Variants in PDE11A observed in about 807,000 individuals in gnomAD.
PDE11A encodes phosphodiesterase 11A.
In PDE11A, 100 loss-of-function variants were observed where a neutral mutation model predicts 100.5. That is an observed-to-expected ratio of 1.00 (90% confidence interval 0.85 to 1.18). PDE11A has a LOEUF of 1.18. Among genes scored for constraint, PDE11A ranks in the 50% most tolerant of loss-of-function variants. The pLI, the probability that PDE11A is intolerant of heterozygous loss-of-function variation, is 0.00. For synonymous variants in PDE11A, 381 were observed against 420.8 expected (o/e 0.91, Z 1.16); for missense variants, 1,141 against 1,152.6 (o/e 0.99, Z 0.15).
chr2:177,761,995 G>A (rs966437917), intron 10 of PDE11A, among the ~76,000 whole-genome samples: 3 of 152,130 alleles, frequency 2.0e-5, no homozygotes, highest in African/African-American at 7.2e-5. Flanking sequence ...GATGGATCTC[G>A]GATAGGGTCA....
At chr2:177,631,006 A>G (rs566251789) in intron 19 of PDE11A, among the ~76,000 whole-genome samples, 2 of 152,272 alleles carry the variant, frequency 1.3e-5, no homozygotes, top group Non-Finnish European at 2.9e-5. Flanking sequence ...ATTTTAAGTA[A>G]CATGTTAGTG....
chr2:177,939,461 GGA>G (rs1446837526), intron 2 of PDE11A, among the ~76,000 whole-genome samples: 2 of 133,278 alleles, frequency 1.5e-5, no homozygotes, highest in East Asian at 2.4e-4. Context: ...AAGGAGGGAG[GGA>G]GAGAGGAAGG....
At chr2:177,724,601 C>G (rs756249739) in intron 12 of PDE11A, among the ~76,000 whole-genome samples, 3 of 152,070 alleles carry the variant, frequency 2.0e-5, no homozygotes, top group Admixed American at 6.6e-5. Flanking sequence ...TAAGGTCACA[C>G]GGAGAACACT....
intron 1 of PDE11A, among the ~76,000 whole-genome samples, chr2:178,067,609 T>C (rs2087064903): frequency 6.6e-6 from 1 of 152,154 alleles, no homozygotes; most frequent in Non-Finnish European, 1.5e-5. Flanking sequence ...GAATGGTGCC[T>C]CCTCCATGAA....
chr2:177,693,180 C>T (rs564496481), intron 15 of PDE11A, among the ~76,000 whole-genome samples: 4 of 152,186 alleles, frequency 2.6e-5, no homozygotes, highest in Non-Finnish European at 4.4e-5. Flanking sequence ...TGCTGCTACA[C>T]GCAGTGCCTC....
chr2:178,000,069 T>C (rs151295666), intron 2 of PDE11A, among the ~76,000 whole-genome samples: 336 of 152,270 alleles, frequency 2.2e-3, no homozygotes, highest in African/African-American at 7.9e-3. Flanking sequence ...AAATGCTCTT[T>C]TGTTGATTGG....
intron 1 of PDE11A, among the ~76,000 whole-genome samples, chr2:178,062,176 A>G (rs1322495860): frequency 6.6e-6 from 1 of 152,104 alleles, no homozygotes; most frequent in Non-Finnish European, 1.5e-5. Flanking sequence ...TTCATGGCAC[A>G]TTGGCTGCCA....
intron 16 of PDE11A, among the ~76,000 whole-genome samples, chr2:177,678,346 T>C (rs2080811045): frequency 6.6e-6 from 1 of 152,232 alleles, no homozygotes; most frequent in Admixed American, 6.5e-5. Flanking sequence ...GAGCCAGCTG[T>C]ATGCCTGGGC....
intron 6 of PDE11A, among the ~76,000 whole-genome samples, chr2:177,838,600 C>G (rs915071452): frequency 6.6e-6 from 1 of 152,116 alleles, no homozygotes; most frequent in African/African-American, 2.4e-5. Context: ...TCAGATCTCC[C>G]CCAGAGGCCT....
intron 2 of PDE11A, among the ~76,000 whole-genome samples, chr2:177,950,881 A>G (rs1336572808): frequency 6.6e-6 from 1 of 152,222 alleles, no homozygotes; most frequent in Non-Finnish European, 1.5e-5. Context: ...ACTGCATTCC[A>G]AGATAGTGCC....
chr2:177,714,143 G>A (rs1040684238), intron 12 of PDE11A, among the ~76,000 whole-genome samples: 6 of 151,560 alleles, frequency 4.0e-5, no homozygotes, highest in South Asian at 4.2e-4. Context: ...ACAGGTGCCC[G>A]CCACCACGCC....
chr2:177,943,948 T>A (rs2085374165), intron 2 of PDE11A, among the ~76,000 whole-genome samples: 1 of 152,238 alleles, frequency 6.6e-6, no homozygotes, highest in African/African-American at 2.4e-5. Flanking sequence ...ATGTCGATGT[T>A]CAGTTTTCCC....
At chr2:177,947,643 G>A (rs2085459921) in intron 2 of PDE11A, among the ~76,000 whole-genome samples, 1 of 151,592 alleles carries the variant, frequency 6.6e-6, no homozygotes, top group South Asian at 2.1e-4. Context: ...AGGCCGCAGG[G>A]TCCTCTGCCT....
In PDE11A at chr2:177,646,711, A is replaced by C. The variant is rs545874417; in HGVS notation, c.2647-17149T>G. Among the ~76,000 whole-genome samples, 142 of 152,344 alleles carry C rather than the reference A, an allele frequency of 9.3e-4. 3 individuals carry two copies. The South Asian group carries it at 0.015, about 16-fold the overall frequency. On this transcript the variant is annotated intron_variant, in intron 19 of 19. Coordinates refer to ENST00000286063, the MANE Select transcript of PDE11A (RefSeq NM_016953.4). ...TGTTCTATGTCTCTGATGCTGGTTCAGAACAGATTCACAGGAAAGTGGAGG... is the reference window on the plus strand; with the variant it reads ...TGTTCTATGTCTCTGATGCTGGTTCCGAACAGATTCACAGGAAAGTGGAGG...
At chr2:177,760,350 G>A (rs905279870) in intron 10 of PDE11A, among the ~76,000 whole-genome samples, 3 of 151,978 alleles carry the variant, frequency 2.0e-5, no homozygotes, top group Non-Finnish European at 4.4e-5. Flanking sequence ...TTTTACCCAC[G>A]TAATCACACA....
chr2:177,825,007 T>C (rs1417618966), intron 6 of PDE11A, among the ~76,000 whole-genome samples: 2 of 152,284 alleles, frequency 1.3e-5, no homozygotes, highest in East Asian at 1.9e-4. Flanking sequence ...AATTTGTCCA[T>C]AAGGGAAGAA....
chr2:177,735,287 T>TA (rs535617269), intron 10 of PDE11A, among the ~76,000 whole-genome samples: 166 of 151,862 alleles, frequency 1.1e-3, no homozygotes, highest in African/African-American at 3.5e-3. Context: ...GTTACTATGA[T>TA]AAAAAAATGT....
At chr2:178,057,863 A>T (rs912245470) in intron 1 of PDE11A, among the ~76,000 whole-genome samples, 2 of 151,586 alleles carry the variant, frequency 1.3e-5, no homozygotes, top group Non-Finnish European at 2.9e-5. Context: ...GCATTATTTT[A>T]TTTATTTATT....
chr2:177,731,526 C>T (rs941011555), intron 10 of PDE11A, among the ~76,000 whole-genome samples: 1 of 152,168 alleles, frequency 6.6e-6, no homozygotes, highest in African/African-American at 2.4e-5. Flanking sequence ...TTCAGTCCTC[C>T]TGCTTTCACC....
Sources: gnomAD v4.1 joint callset for allele counts (sites outside exome capture counted in the v4.1 genomes callset) on GRCh38, gnomAD v4.1.1 for gene constraint, MANE v1.5 for transcripts, NCBI Gene and HGNC (gene_info 2026-07-23, HGNC 2026-07-21) for gene names.